The following SNTG1 variants were observed in gnomAD, a reference collection of about 807,000 sequenced individuals.
SNTG1 encodes the protein syntrophin gamma 1.
A neutral mutation model predicts 74.7 loss-of-function variants in SNTG1; 39 were observed. The observed-to-expected ratio is 0.52, with a 90% CI of 0.40 to 0.68. The LOEUF is 0.68. Ranked by LOEUF, SNTG1 falls within the 30% of genes least tolerant of loss-of-function variation. The pLI, the probability that SNTG1 is intolerant of heterozygous loss-of-function variation, is 0.00. For synonymous variants in SNTG1, 254 were observed against 217.1 expected, an observed-to-expected ratio of 1.17 and a Z score of -1.49; for missense variants, 685 against 609.5, an observed-to-expected ratio of 1.12 and a Z score of -1.30.
At chr8:50,165,365 G>T (rs868669430) in intron 1 of SNTG1, among the ~76,000 whole-genome samples, 1 of 152,280 alleles carries the variant, frequency 6.6e-6, no homozygotes, top group Middle Eastern at 3.4e-3. Context: ...TGGATGTACA[G>T]AAATCATTTT....
intron 2 of SNTG1, among the ~76,000 whole-genome samples, chr8:50,309,224 T>G (rs1054887432): frequency 6.6e-6 from 1 of 152,170 alleles, no homozygotes; most frequent in African/African-American, 2.4e-5. Flanking sequence ...TAAGTTTCTT[T>G]CGAAATCTGT....
intron 15 of SNTG1, among the ~76,000 whole-genome samples, chr8:50,692,278 T>C (rs1378715515): frequency 6.6e-6 from 1 of 152,230 alleles, no homozygotes; most frequent in African/African-American, 2.4e-5. Flanking sequence ...CCAACTTTGT[T>C]CCACTGCTGG....
intron 8 of SNTG1, among the ~76,000 whole-genome samples, chr8:50,495,717 C>T (rs1470922653): frequency 6.6e-6 from 1 of 152,136 alleles, no homozygotes; most frequent in Non-Finnish European, 1.5e-5. Flanking sequence ...TTATCTCCTG[C>T]CCATGGCTAG....
intron 9 of SNTG1, among the ~76,000 whole-genome samples, chr8:50,513,073 G>A (rs953782891): frequency 1.3e-5 from 2 of 152,090 alleles, no homozygotes; most frequent in Admixed American, 6.6e-5. Context: ...TTTGATGATG[G>A]TGATGTACAG....
At chr8:49,923,059 G>T (rs930971340) in intron 1 of SNTG1, among the ~76,000 whole-genome samples, 9 of 151,928 alleles carry the variant, frequency 5.9e-5, no homozygotes, top group African/African-American at 1.9e-4. Context: ...CTTTTTCTTA[G>T]GTCTCATGAA....
intron 13 of SNTG1, among the ~76,000 whole-genome samples, chr8:50,601,992 C>T (rs1349606407): frequency 6.6e-6 from 1 of 151,854 alleles, no homozygotes; most frequent in East Asian, 1.9e-4. Flanking sequence ...CCTTTATTTT[C>T]AGTCTTTGTG....
chr8:50,534,497 T>A (rs1351007067), intron 10 of SNTG1, among the ~76,000 whole-genome samples: 2 of 152,108 alleles, frequency 1.3e-5, no homozygotes, highest in African/African-American at 4.8e-5. Context: ...AATACTTCTT[T>A]AAAAAAACTT....
intron 17 of SNTG1, among the ~76,000 whole-genome samples, chr8:50,716,927 T>C (rs752548748): frequency 6.6e-6 from 1 of 151,876 alleles, no homozygotes; most frequent in Non-Finnish European, 1.5e-5. Context: ...TAGTGGAGAC[T>C]AAGTTTCACC....
At chr8:50,075,785 C>G (rs1328025509) in intron 1 of SNTG1, among the ~76,000 whole-genome samples, 1 of 152,124 alleles carries the variant, frequency 6.6e-6, no homozygotes, top group Admixed American at 6.5e-5. Flanking sequence ...ATGAACAACT[C>G]CAGACGCGCC....
chr8:50,391,737 T>A (rs188802759), intron 2 of SNTG1, among the ~76,000 whole-genome samples: 126 of 152,296 alleles, frequency 8.3e-4, no homozygotes, highest in African/African-American at 2.6e-3. Context: ...AATTATTGCC[T>A]CAATTTCAGA....
intron 1 of SNTG1, among the ~76,000 whole-genome samples, chr8:50,153,442 C>T (rs1018444904): frequency 1.4e-4 from 22 of 152,252 alleles, no homozygotes; most frequent in African/African-American, 2.9e-4. Flanking sequence ...CCACTGCTGG[C>T]GAGGAGCTGT....
At chr8:50,515,580 G>T (rs761645355) in intron 9 of SNTG1, among the ~76,000 whole-genome samples, 3 of 152,086 alleles carry the variant, frequency 2.0e-5, no homozygotes, top group Admixed American at 6.6e-5. Flanking sequence ...CAGAACAGCA[G>T]TCTGAAGTTG....
intron 2 of SNTG1, among the ~76,000 whole-genome samples, chr8:50,346,351 T>C (rs1343414716): frequency 1.3e-5 from 2 of 152,238 alleles, no homozygotes; most frequent in Non-Finnish European, 2.9e-5. Flanking sequence ...TTTTTTCAAG[T>C]GCCACAAACT....
intron 1 of SNTG1, among the ~76,000 whole-genome samples, chr8:50,104,250 G>A (rs1487013559): frequency 6.6e-6 from 1 of 152,098 alleles, no homozygotes; most frequent in Non-Finnish European, 1.5e-5. Context: ...CCTGTTATTA[G>A]TCTATTCAGA....
chr8:49,970,450 T>C (rs1044344722), intron 1 of SNTG1, among the ~76,000 whole-genome samples: 1 of 152,226 alleles, frequency 6.6e-6, no homozygotes, highest in Non-Finnish European at 1.5e-5. Context: ...CTGTCTGATG[T>C]GAACAGTGCT....
At chr8:50,742,737 A>G (rs1204262115) in intron 17 of SNTG1, among the ~76,000 whole-genome samples, 1 of 151,848 alleles carries the variant, frequency 6.6e-6, no homozygotes, top group Non-Finnish European at 1.5e-5. Flanking sequence ...AAAATCAACA[A>G]AATTAAAGGT....
intron 2 of SNTG1, among the ~76,000 whole-genome samples, chr8:50,375,275 T>C (rs1338802250): frequency 6.6e-6 from 1 of 152,074 alleles, no homozygotes; most frequent in Non-Finnish European, 1.5e-5. Flanking sequence ...AGGCACATGG[T>C]TGGGCACATT....
intron 15 of SNTG1, among the ~76,000 whole-genome samples, chr8:50,679,731 G>A (rs1284419161): frequency 1.3e-5 from 2 of 152,080 alleles, no homozygotes; most frequent in Non-Finnish European, 2.9e-5. Flanking sequence ...TTGGAATCAG[G>A]GAACTGTCTT....
At chr8:50,029,020 A>T (rs1311270903) in intron 1 of SNTG1, among the ~76,000 whole-genome samples, 1 of 152,030 alleles carries the variant, frequency 6.6e-6, no homozygotes, top group Non-Finnish European at 1.5e-5. Flanking sequence ...TGTTGTAGGT[A>T]CAAACACTGT....
Sources: allele counts gnomAD v4.1 joint callset (sites outside exome capture counted in the v4.1 genomes callset), GRCh38; gene constraint gnomAD v4.1.1; transcripts MANE v1.5; gene names NCBI Gene and HGNC (gene_info 2026-07-23, HGNC 2026-07-21).